The following SNTG1 variants were observed in gnomAD, a reference collection of about 807,000 sequenced individuals.
The protein encoded by SNTG1 is syntrophin gamma 1, also known as gamma-1-syntrophin.
A neutral mutation model predicts 74.7 loss-of-function variants in SNTG1; 39 were observed. That is an observed-to-expected ratio of 0.52 (90% CI 0.40 to 0.68). SNTG1 has a LOEUF of 0.68. Among genes scored for constraint, SNTG1 ranks in the 30% least tolerant of loss-of-function variants. SNTG1 has a pLI of 0.00. For synonymous variants in SNTG1, 254 were observed against 217.1 expected (o/e 1.17, Z -1.49); for missense variants, 685 against 609.5 (o/e 1.12, Z -1.30).
At chr8:49,957,988 T>C (rs1810333241) in intron 1 of SNTG1, among the ~76,000 whole-genome samples, 1 of 152,076 alleles carries the variant, frequency 6.6e-6, no homozygotes, top group African/African-American at 2.4e-5. Context: ...TTGTGGATCA[T>C]GAGATTAGAG....
rs1225584466 is a variant in SNTG1, at chr8:50,474,993, C to T, written c.363+24264C>T. Reference sequence around the variant, plus strand: ...ATCGCAAGGACAAAGAACCAAACACCGCGTGTTCTCACTCATAGGTGGGAA... The same window carrying T: ...ATCGCAAGGACAAAGAACCAAACACTGCGTGTTCTCACTCATAGGTGGGAA... On this transcript the variant is annotated intron_variant, in intron 8 of 18. Transcript: ENST00000642720. Among the ~76,000 whole-genome samples, 20 of 147,902 alleles carry T rather than the reference C, an allele frequency of 1.4e-4. No individual in the cohort carries two copies. In the South Asian group the frequency reaches 1.7e-3, roughly 13 times the overall value.
intron 1 of SNTG1, among the ~76,000 whole-genome samples, chr8:50,058,787 T>A (rs189208502): frequency 2.0e-5 from 3 of 151,922 alleles, no homozygotes; most frequent in Middle Eastern, 6.8e-3. Flanking sequence ...GCCATGCAAT[T>A]TTATCACAGG....
intron 1 of SNTG1, among the ~76,000 whole-genome samples, chr8:50,105,600 A>G (rs746126708): frequency 6.6e-6 from 1 of 151,954 alleles, no homozygotes; most frequent in Non-Finnish European, 1.5e-5. Context: ...TAGGAATAGT[A>G]TTTAATCTGT....
intron 15 of SNTG1, among the ~76,000 whole-genome samples, chr8:50,675,425 T>C (rs1377844080): frequency 6.6e-6 from 1 of 152,098 alleles, no homozygotes; most frequent in African/African-American, 2.4e-5. Context: ...TGCTCTTCTT[T>C]GTCTTTTTAA....
chr8:50,055,880 T>G (rs1046325220), intron 1 of SNTG1, among the ~76,000 whole-genome samples: 1 of 152,170 alleles, frequency 6.6e-6, no homozygotes, highest in Non-Finnish European at 1.5e-5. Context: ...ATAGACTTAA[T>G]AGGCCCTGTT....
At position 50,096,966 on chromosome 8, in the gene SNTG1, A is replaced by T. The variant is rs555845604; in HGVS notation, c.-102-75595A>T. Among the ~76,000 whole-genome samples, 4 of 151,916 alleles carry T rather than the reference A, an allele frequency of 2.6e-5. No individual in the cohort carries two copies. The South Asian group carries it at 8.3e-4, about 32-fold the overall frequency. The stretch of plus-strand genomic sequence containing the variant: ...CACTGAATTCTTACTAAAACTTTTT[A>T]TTATTATTATTATTATTTTTTGAGA... On this transcript the variant is annotated intron_variant, in intron 1 of 18. Transcript: ENST00000642720.
At chr8:50,308,026 C>T (rs1376764168) in intron 2 of SNTG1, among the ~76,000 whole-genome samples, 1 of 151,770 alleles carries the variant, frequency 6.6e-6, no homozygotes, top group Non-Finnish European at 1.5e-5. Context: ...TCTCTCAGCT[C>T]AGGGCTTTGT....
At chr8:49,917,298 T>G (rs1470835107) in intron 1 of SNTG1, among the ~76,000 whole-genome samples, 2 of 152,148 alleles carry the variant, frequency 1.3e-5, no homozygotes, top group Non-Finnish European at 2.9e-5. Flanking sequence ...ACAATGTCTA[T>G]GTTTAGTTGA....
chr8:50,203,859 A>T (rs1229331826), intron 2 of SNTG1, among the ~76,000 whole-genome samples: 2 of 152,124 alleles, frequency 1.3e-5, no homozygotes, highest in African/African-American at 4.8e-5. Flanking sequence ...GTATAAAAAT[A>T]ACAATGTAGG....
At chr8:50,379,729 T>C (rs2092450392) in intron 2 of SNTG1, among the ~76,000 whole-genome samples, 1 of 152,216 alleles carries the variant, frequency 6.6e-6, no homozygotes, top group Non-Finnish European at 1.5e-5. Context: ...GAAACTCTCT[T>C]AAAAGGACTC....
intron 4 of SNTG1, among the ~76,000 whole-genome samples, chr8:50,418,075 A>C (rs959754720): frequency 6.6e-6 from 1 of 151,876 alleles, no homozygotes; most frequent in Non-Finnish European, 1.5e-5. Flanking sequence ...AATAAAACCA[A>C]ACTCTCTCTT....
At chr8:50,032,478 G>A (rs1490388402) in intron 1 of SNTG1, among the ~76,000 whole-genome samples, 1 of 151,996 alleles carries the variant, frequency 6.6e-6, no homozygotes, top group African/African-American at 2.4e-5. Context: ...TGTCTTGCTA[G>A]GCTGCTTTTT....
chr8:50,236,696 C>T (rs1172479542), intron 2 of SNTG1, among the ~76,000 whole-genome samples: 6 of 151,910 alleles, frequency 3.9e-5, no homozygotes, highest in Non-Finnish European at 8.8e-5. Context: ...GTGATCCGCC[C>T]GCCTTGGCCT....
intron 2 of SNTG1, among the ~76,000 whole-genome samples, chr8:50,244,385 T>G (rs1268563694): frequency 6.6e-6 from 1 of 152,150 alleles, no homozygotes; most frequent in Non-Finnish European, 1.5e-5. Flanking sequence ...TTTTTCACTG[T>G]GTCAACAGGC....
chr8:50,394,459 T>C (rs191875329), intron 3 of SNTG1, among the ~76,000 whole-genome samples, 194 bp downstream of exon 3: 48 of 152,326 alleles, frequency 3.2e-4, no homozygotes, highest in African/African-American at 1.1e-3. Flanking sequence ...GCCTTGGACT[T>C]TAACTCTTTC....
chr8:50,752,459 T>C (rs2095569959), intron 18 of SNTG1, among the ~76,000 whole-genome samples: 1 of 151,992 alleles, frequency 6.6e-6, no homozygotes, highest in Non-Finnish European at 1.5e-5. Context: ...AATCTGACTA[T>C]ATTTACATAA....
chr8:50,054,796 A>G (rs1819883693), intron 1 of SNTG1, among the ~76,000 whole-genome samples: 1 of 152,022 alleles, frequency 6.6e-6, no homozygotes, highest in Non-Finnish European at 1.5e-5. Context: ...CTCAGCCTCT[A>G]GAGAAACTAA....
In SNTG1 at chr8:50,582,945, A is replaced by T. The variant is rs186361642; in HGVS notation, c.811-7934A>T. Among the ~76,000 whole-genome samples, 282 of 152,302 alleles carry T rather than the reference A, an allele frequency of 1.9e-3. 1 individual carries two copies. The highest frequency in any genetic ancestry group is 6.8e-3 in the Middle Eastern group (2 of 294). On this transcript the variant is annotated intron_variant, in intron 12 of 18. Transcript: ENST00000642720. Reference sequence around the variant, plus strand: ...CAAAGATAATTATAAGAATGACCCAATGAGTTTCCTTATCACAACTGCAGC... The same window carrying T: ...CAAAGATAATTATAAGAATGACCCATTGAGTTTCCTTATCACAACTGCAGC...
intron 1 of SNTG1, among the ~76,000 whole-genome samples, chr8:50,133,707 G>A (rs1311231681): frequency 6.6e-6 from 1 of 152,070 alleles, no homozygotes; most frequent in African/African-American, 2.4e-5. Flanking sequence ...CTGGCACATG[G>A]CATCCTCATT....
Sources: gnomAD v4.1 joint callset for allele counts (sites outside exome capture counted in the v4.1 genomes callset) on GRCh38, gnomAD v4.1.1 for gene constraint, MANE v1.5 for transcripts, NCBI Gene and HGNC (gene_info 2026-07-23, HGNC 2026-07-21) for gene names.